FTCDNL1: variants seen among roughly 807,000 people sequenced by gnomAD.
FTCDNL1 encodes formiminotransferase cyclodeaminase N-terminal like, also known as formiminotransferase N-terminal subdomain-containing protein.
A neutral mutation model predicts 5.9 loss-of-function variants in FTCDNL1; 11 were observed. The ratio of observed to expected loss-of-function variants is 1.87; its 90% CI spans 1.18 to 3.10. The LOEUF (loss-of-function observed/expected upper bound fraction) is 3.10, where lower values mean the gene tolerates loss of function less well. Ranked by LOEUF, FTCDNL1 falls within the 30% of genes most tolerant of loss-of-function variation. FTCDNL1 has a pLI of 0.00. For synonymous variants in FTCDNL1, 58 were observed against 24.8 expected, an observed-to-expected ratio of 2.34 and a Z score of -3.99; for missense variants, 115 against 65.5, an observed-to-expected ratio of 1.76 and a Z score of -2.61.
At chr2:199,770,708 G>C (rs1324985801) in intron 3 of FTCDNL1, among the ~76,000 whole-genome samples, 6 of 152,136 alleles carry the variant, frequency 3.9e-5, no homozygotes, top group East Asian at 1.9e-4. Flanking sequence ...GGGGAGAATA[G>C]AGCCCTTTGG....
chr2:199,781,033 G>A (rs1049924863), intron 3 of FTCDNL1, among the ~76,000 whole-genome samples: 5 of 152,110 alleles, frequency 3.3e-5, no homozygotes, highest in East Asian at 1.9e-4. Flanking sequence ...TGCCAGCACC[G>A]AGTGACTGGT....
chr2:199,803,514 G>A (rs1700574050), intron 3 of FTCDNL1, among the ~76,000 whole-genome samples: 1 of 152,188 alleles, frequency 6.6e-6, no homozygotes, highest in Non-Finnish European at 1.5e-5. Flanking sequence ...CTGTCACCGA[G>A]GATAGAATGG....
the FTCDNL1 span, among the ~76,000 whole-genome samples, chr2:199,691,145 G>C: frequency 6.6e-6 from 1 of 152,146 alleles, no homozygotes; most frequent in Non-Finnish European, 1.5e-5. Context: ...AAGAAATAAA[G>C]GTGGCCAATT....
At chr2:199,701,513 G>C in the FTCDNL1 span, among the ~76,000 whole-genome samples, 1 of 152,052 alleles carries the variant, frequency 6.6e-6, no homozygotes, top group African/African-American at 2.4e-5. Flanking sequence ...GCACGCATAT[G>C]TTCATCACAG....
chr2:199,761,679 G>C (rs1276183877), intron 3 of FTCDNL1, among the ~76,000 whole-genome samples: 1 of 152,162 alleles, frequency 6.6e-6, no homozygotes, highest in East Asian at 1.9e-4. Flanking sequence ...GAGCTTGTAA[G>C]TAGGGTAAAA....
intron 3 of FTCDNL1, among the ~76,000 whole-genome samples, chr2:199,774,101 G>A (rs1005594363): frequency 1.3e-5 from 2 of 152,118 alleles, no homozygotes; most frequent in East Asian, 1.9e-4. Flanking sequence ...GGGCCTTTTG[G>A]TCCTTTTCTA....
In FTCDNL1 at chr2:199,770,294, G is replaced by A. The variant is rs188075412; in HGVS notation, c.212-9459C>T. 1.3e-4 allele frequency among the ~76,000 whole-genome samples: 20 copies of A among 152,330 alleles called. No individual in the cohort carries two copies. In the East Asian group the frequency reaches 3.3e-3, roughly 25 times the overall value. On this transcript the variant is annotated intron_variant, in intron 3 of 3. Coordinates refer to the FTCDNL1 transcript ENST00000416668. ...GAGCATGTCACAGGATCACAGGTAA[G>A]TCGACTAAGAAGAAACTAGGGAGAT...
intron 4 of FTCDNL1, among the ~76,000 whole-genome samples, chr2:199,816,489 G>T (rs1290402017): frequency 6.6e-6 from 1 of 152,066 alleles, no homozygotes; most frequent in Non-Finnish European, 1.5e-5. Context: ...AATAATCACA[G>T]GGTTGATTTA....
intron 3 of FTCDNL1, among the ~76,000 whole-genome samples, chr2:199,773,801 T>C (rs924837143): frequency 2.0e-5 from 3 of 152,222 alleles, no homozygotes; most frequent in African/African-American, 4.8e-5. Context: ...TTCATTATGA[T>C]AATTGCATTG....
the FTCDNL1 span, among the ~76,000 whole-genome samples, chr2:199,701,761 G>GGCTGAGCTAT: frequency 6.6e-5 from 10 of 152,150 alleles, no homozygotes; most frequent in Admixed American, 4.6e-4. Context: ...GGCTGAGCTA[G>GGCTGAGCTAT]GCTGAGCTCA....
the FTCDNL1 span, among the ~76,000 whole-genome samples, chr2:199,708,655 A>G: frequency 6.6e-6 from 1 of 152,106 alleles, no homozygotes. Flanking sequence ...CTATGAAGAC[A>G]TAACCTTCTG....
chr2:199,808,339 A>AT (rs1700841288), downstream of FTCDNL1, among the ~76,000 whole-genome samples: 1 of 152,002 alleles, frequency 6.6e-6, no homozygotes. Flanking sequence ...GGATTTTTGT[A>AT]TTTTTTTCTT....
intron 3 of FTCDNL1, among the ~76,000 whole-genome samples, chr2:199,776,371 C>G (rs1162713403): frequency 1.3e-5 from 2 of 152,212 alleles, no homozygotes; most frequent in African/African-American, 4.8e-5. Context: ...CACCTCACAA[C>G]ATCCATCTCA....
chr2:199,814,431 A>T (rs904786238), intron 4 of FTCDNL1, among the ~76,000 whole-genome samples: 1 of 152,230 alleles, frequency 6.6e-6, no homozygotes, highest in African/African-American at 2.4e-5. Flanking sequence ...TAAAATGGTT[A>T]TGACGTTTCC....
the FTCDNL1 span, among the ~76,000 whole-genome samples, chr2:199,670,670 ATG>A: frequency 6.6e-6 from 1 of 152,068 alleles, no homozygotes; most frequent in Non-Finnish European, 1.5e-5. Context: ...ATATGTATGT[ATG>A]TGTGTGTGTA....
Position 199,811,968 on chromosome 2 carries a change from T to TA in FTCDNL1, c.*736dup, listed in dbSNP as rs1701062238. 6.6e-6 allele frequency among the ~76,000 whole-genome samples: 1 copy of TA among 152,204 alleles called. No homozygotes were observed. The highest frequency in any genetic ancestry group is 2.4e-5 in the African/African-American group (1 of 41,448). On this transcript the variant is annotated 3_prime_UTR_variant, in exon 5 of 5. Coordinates refer to ENST00000420128, the MANE Select transcript of FTCDNL1 (RefSeq NM_001363886.2). The stretch of plus-strand genomic sequence containing the variant: ...TATTTTTAAAATTCCTTCAAAAGCA[T>TA]AAAGTTCATTTTTTAAGCAAAATAA...
At chr2:199,770,869 A>G (rs548049298) in intron 3 of FTCDNL1, among the ~76,000 whole-genome samples, 6 of 152,336 alleles carry the variant, frequency 3.9e-5, no homozygotes, top group Admixed American at 3.9e-4. Flanking sequence ...CTGTCCTACA[A>G]GGAGCACCTG....
At chr2:199,800,811 T>C (rs557910843) in intron 3 of FTCDNL1, among the ~76,000 whole-genome samples, 1 of 152,344 alleles carries the variant, frequency 6.6e-6, no homozygotes, top group South Asian at 2.1e-4. Context: ...TATCACAGAT[T>C]TGTTCCTCTA....
intron 3 of FTCDNL1, among the ~76,000 whole-genome samples, chr2:199,781,657 G>C (rs930216709): frequency 6.6e-6 from 1 of 152,202 alleles, no homozygotes; most frequent in African/African-American, 2.4e-5. Context: ...GTTCACTCCA[G>C]AGCATGTGAG....
Sources: gnomAD v4.1 joint callset for allele counts (sites outside exome capture counted in the v4.1 genomes callset) on GRCh38, gnomAD v4.1.1 for gene constraint, MANE v1.5 for transcripts, NCBI Gene and HGNC (gene_info 2026-07-23, HGNC 2026-07-21) for gene names.